Variants in TACR1 observed in about 807,000 individuals in gnomAD.
TACR1 encodes the protein tachykinin receptor 1, also known as substance-P receptor.
TACR1 carries 25 observed loss-of-function variants against 35.8 expected under a neutral mutation model. The ratio of observed to expected loss-of-function variants is 0.70; its 90% CI spans 0.51 to 0.98. TACR1 has a LOEUF of 0.98. Ranked by LOEUF, TACR1 falls within the 50% of genes least tolerant of loss-of-function variation. The pLI, the probability that TACR1 is intolerant of heterozygous loss-of-function variation, is 0.00. For synonymous variants in TACR1, 195 were observed against 206.7 expected, an observed-to-expected ratio of 0.94 and a Z score of 0.48; for missense variants, 478 against 522.9, an observed-to-expected ratio of 0.91 and a Z score of 0.84.
At chr2:75,100,827 T>C (rs1451991679) in intron 2 of TACR1, among the ~76,000 whole-genome samples, 1 of 152,190 alleles carries the variant, frequency 6.6e-6, no homozygotes, top group Non-Finnish European at 1.5e-5. Flanking sequence ...TAAGGAAATT[T>C]TGTGGTTCAG....
intron 2 of TACR1, among the ~76,000 whole-genome samples, chr2:75,091,925 T>G (rs1673320186): frequency 6.6e-6 from 1 of 152,224 alleles, no homozygotes; most frequent in African/African-American, 2.4e-5. Flanking sequence ...ATGTAAGTTC[T>G]GTAAGCCTCA....
intron 2 of TACR1, among the ~76,000 whole-genome samples, chr2:75,061,541 C>T (rs1281745546): frequency 1.3e-5 from 2 of 152,306 alleles, no homozygotes; most frequent in East Asian, 3.9e-4. Flanking sequence ...CTCTCTGACA[C>T]ATCACCCAGT....
At chr2:75,182,803 T>C (rs1451661291) in intron 1 of TACR1, among the ~76,000 whole-genome samples, 1 of 152,234 alleles carries the variant, frequency 6.6e-6, no homozygotes, top group African/African-American at 2.4e-5. Flanking sequence ...TTGTTCATGA[T>C]GTTTGCACAA....
chr2:75,190,501 GA>G (rs1675818147), intron 1 of TACR1, among the ~76,000 whole-genome samples: 1 of 152,200 alleles, frequency 6.6e-6, no homozygotes, highest in Admixed American at 6.5e-5. Context: ...ACTTGATGTA[GA>G]AGGAATCCAG....
intron 2 of TACR1, among the ~76,000 whole-genome samples, chr2:75,056,618 T>G (rs1196475165): frequency 6.6e-6 from 1 of 152,168 alleles, no homozygotes; most frequent in Non-Finnish European, 1.5e-5. Flanking sequence ...CATGTCCTGA[T>G]CTGTTGGCCA....
chr2:75,060,165 G>A (rs1322619512), intron 2 of TACR1, among the ~76,000 whole-genome samples: 1 of 152,242 alleles, frequency 6.6e-6, no homozygotes, highest in African/African-American at 2.4e-5. Flanking sequence ...CTCACAGTCT[G>A]CAGGGGAGTA....
chr2:75,078,039 G>A (rs955286602), intron 2 of TACR1, among the ~76,000 whole-genome samples: 1 of 152,172 alleles, frequency 6.6e-6, no homozygotes, highest in African/African-American at 2.4e-5. Flanking sequence ...CTCTACTGGC[G>A]TAACTGCTAT....
chr2:75,154,526 A>ACACACACACACACACACTCTCTCT (rs1379600710), intron 1 of TACR1: 4 of 117,216 alleles, frequency 3.4e-5, no homozygotes, highest in African/African-American at 1.8e-4. Context: ...ACACACACAC[A>ACACACACACACACACACTCTCTCT]CTCTCTGAAG....
intron 2 of TACR1, among the ~76,000 whole-genome samples, chr2:75,111,401 T>C (rs912307426): frequency 3.6e-4 from 55 of 152,186 alleles, no homozygotes; most frequent in Middle Eastern, 6.8e-3. Context: ...TTCTGTGTGA[T>C]GTTTACAGGA....
intron 1 of TACR1, among the ~76,000 whole-genome samples, chr2:75,185,106 A>C (rs1046665180): frequency 6.6e-6 from 1 of 151,992 alleles, no homozygotes; most frequent in Non-Finnish European, 1.5e-5. Flanking sequence ...AATATAAATA[A>C]AATTCATTGT....
chr2:75,154,526 A>ACACACACACTCTCT (rs1379600710), intron 1 of TACR1: 2 of 117,216 alleles, frequency 1.7e-5, no homozygotes, highest in African/African-American at 4.5e-5. Flanking sequence ...ACACACACAC[A>ACACACACACTCTCT]CTCTCTGAAG....
At chr2:75,084,083 T>G (rs1166779784) in intron 2 of TACR1, among the ~76,000 whole-genome samples, 3 of 152,232 alleles carry the variant, frequency 2.0e-5, no homozygotes, top group Non-Finnish European at 2.9e-5. Context: ...TAGCTCTTAT[T>G]ATTTTGAGAT....
At chr2:75,090,127 G>A (rs1200618000) in intron 2 of TACR1, among the ~76,000 whole-genome samples, 1 of 152,134 alleles carries the variant, frequency 6.6e-6, no homozygotes, top group Non-Finnish European at 1.5e-5. Flanking sequence ...CATCTTGCTG[G>A]GGTGTGCAGT....
chr2:75,124,874 G>A (rs1422189280), intron 1 of TACR1, among the ~76,000 whole-genome samples: 2 of 152,198 alleles, frequency 1.3e-5, no homozygotes, highest in Non-Finnish European at 2.9e-5. Flanking sequence ...CTTTACCTTT[G>A]GCAGATGGGA....
chr2:75,190,059 T>C (rs892966574), intron 1 of TACR1: 10 of 152,242 alleles, frequency 6.6e-5, no homozygotes, highest in African/African-American at 2.2e-4. Flanking sequence ...TTTCATACTT[T>C]AATGCACACA....
chr2:75,170,392 A>G (rs1406605308), intron 1 of TACR1, among the ~76,000 whole-genome samples: 2 of 152,098 alleles, frequency 1.3e-5, no homozygotes, highest in East Asian at 3.9e-4. Flanking sequence ...AGTCAATTAA[A>G]CCTCTTTCCT....
intron 1 of TACR1, chr2:75,154,406 G>GCGCGCGCGCGCGCGCGCGCGCGCGCACA (rs1264139655): frequency 1.3e-5 from 1 of 78,514 alleles, no homozygotes; most frequent in Non-Finnish European, 2.5e-5. Flanking sequence ...CCAAGAGCGC[G>GCGCGCGCGCGCGCGCGCGCGCGCGCACA]CACGCACACA....
In TACR1 at chr2:75,084,509, C is replaced by T. The variant is rs370807987; in HGVS notation, c.585-30754G>A. On this transcript the variant is annotated intron_variant, in intron 2 of 4. Transcript: ENST00000305249. ...ATAGTTTCAGAAGGAATGGTACCAG[C>T]TCCTCCTTGTACCTCTGGTAGAATT... is the stretch of plus-strand genomic sequence containing the variant. 1.5e-3 allele frequency among the ~76,000 whole-genome samples: 221 copies of T among 152,302 alleles called. 1 individual carries two copies. The highest frequency in any genetic ancestry group is 5.3e-3 in the African/African-American group (220 of 41,556).
chr2:75,193,713 G>T (rs1231065136), intron 1 of TACR1, among the ~76,000 whole-genome samples: 1 of 151,912 alleles, frequency 6.6e-6, no homozygotes, highest in East Asian at 1.9e-4. Flanking sequence ...TAACTCAGTT[G>T]CCCTATCTTG....
Sources: gnomAD v4.1 joint callset for allele counts (sites outside exome capture counted in the v4.1 genomes callset) on GRCh38, gnomAD v4.1.1 for gene constraint, MANE v1.5 for transcripts, NCBI Gene and HGNC (gene_info 2026-07-23, HGNC 2026-07-21) for gene names.